The following AATF variants were observed in gnomAD, a reference collection of about 807,000 sequenced individuals.
The protein encoded by AATF is apoptosis antagonizing transcription factor.
In AATF, 48 loss-of-function variants were observed where a neutral mutation model predicts 63.7. That is an observed-to-expected ratio of 0.75 (90% CI 0.60 to 0.96). AATF has a LOEUF of 0.96. AATF is among the 40% of genes least tolerant of loss of function. AATF has a pLI of 0.00. For missense variants in AATF, 639 were observed against 685.7 expected, an observed-to-expected ratio of 0.93 and a Z score of 0.76; for synonymous variants, 258 against 247.7, an observed-to-expected ratio of 1.04 and a Z score of -0.39.
intron 8 of AATF, among the ~76,000 whole-genome samples, chr17:37,005,955 C>A (rs959980146): frequency 6.6e-6 from 1 of 151,766 alleles, no homozygotes; most frequent in Non-Finnish European, 1.5e-5. Context: ...TAGTGAGACC[C>A]TATCTCTATA....
chr17:37,025,178 A>C (rs2071501696), intron 10 of AATF, among the ~76,000 whole-genome samples: 1 of 152,136 alleles, frequency 6.6e-6, no homozygotes, highest in African/African-American at 2.4e-5. Flanking sequence ...GTAATCATTG[A>C]TATGTATAAG....
intron 11 of AATF, among the ~76,000 whole-genome samples, chr17:37,054,189 C>T (rs1255070019): frequency 2.5e-5 from 3 of 120,656 alleles, no homozygotes; most frequent in Non-Finnish European, 5.2e-5. Flanking sequence ...TGGTGGGGGG[C>T]GTGTGGGGCG....
chr17:36,957,742 G>A (rs919809811), intron 4 of AATF, among the ~76,000 whole-genome samples: 5 of 151,950 alleles, frequency 3.3e-5, no homozygotes, highest in African/African-American at 4.8e-5. Flanking sequence ...ATTTCATTCC[G>A]TTTAGAATCC....
chr17:36,968,087 T>A (rs892209473), intron 4 of AATF, among the ~76,000 whole-genome samples: 1 of 151,624 alleles, frequency 6.6e-6, no homozygotes, highest in African/African-American at 2.4e-5. Flanking sequence ...CTCTGTCCTC[T>A]CTCTTTCTGG....
intron 8 of AATF, among the ~76,000 whole-genome samples, chr17:36,993,494 G>A (rs1462016854): frequency 6.6e-6 from 1 of 152,184 alleles, no homozygotes; most frequent in Admixed American, 6.5e-5. Context: ...TCAGTGATAA[G>A]GCTAAAGAAA....
intron 8 of AATF, among the ~76,000 whole-genome samples, chr17:37,012,929 G>A (rs1051080488): frequency 2.8e-4 from 42 of 152,168 alleles, no homozygotes; most frequent in African/African-American, 9.4e-4. Context: ...AGAGCTTCAT[G>A]ACCTTGGGTT....
intron 4 of AATF, among the ~76,000 whole-genome samples, chr17:36,955,320 A>G (rs1044938730): frequency 1.1e-4 from 16 of 152,170 alleles, no homozygotes; most frequent in African/African-American, 3.4e-4. Flanking sequence ...ATGGCTTCCT[A>G]GAGTCCAGTT....
At chr17:37,001,770 A>T (rs957933838) in intron 8 of AATF, among the ~76,000 whole-genome samples, 3 of 152,248 alleles carry the variant, frequency 2.0e-5, no homozygotes, top group Admixed American at 2.0e-4. Context: ...TAGGAACAAG[A>T]CAAGGATGTC....
At chr17:36,965,488 A>G (rs2070984334) in intron 4 of AATF, among the ~76,000 whole-genome samples, 1 of 152,142 alleles carries the variant, frequency 6.6e-6, no homozygotes, top group Non-Finnish European at 1.5e-5. Context: ...AGTCCTTTTG[A>G]CTTTTTAATA....
At chr17:36,949,271 G>T in intron 1 of AATF, 55 bp downstream of exon 1, 1 of 1,503,786 alleles carries the variant, frequency 6.6e-7, no homozygotes, top group Non-Finnish European at 8.9e-7. Flanking sequence ...GCCCTGTGGG[G>T]CAAGGGGGCG....
chr17:37,046,730 AACACACAC>A (rs58296683), intron 11 of AATF, among the ~76,000 whole-genome samples: 2,366 of 140,040 alleles, frequency 0.017, 95 homozygotes, highest in African/African-American at 0.059. Flanking sequence ...GTGCTCCCCC[AACACACAC>A]ACACACACAC....
intron 11 of AATF, chr17:37,052,439 G>C (rs200830933): frequency 1.3e-5 from 2 of 152,136 alleles, no homozygotes; most frequent in East Asian, 3.9e-4. Flanking sequence ...TCTTGGGATG[G>C]GGTAAGGGCT....
intron 9 of AATF, among the ~76,000 whole-genome samples, chr17:37,019,491 C>T (rs2071453325): frequency 6.6e-6 from 1 of 152,148 alleles, no homozygotes; most frequent in African/African-American, 2.4e-5. Context: ...ATTTAGACCT[C>T]CACCTCTTCA....
rs116005978 is a variant in AATF, at chr17:37,056,649, A to G, written c.1668A>G (p.Glu556=). 5.6e-6 allele frequency: 9 copies of G among 1,614,220 alleles called. No homozygotes were observed. In the East Asian group the frequency reaches 1.8e-4, roughly 32 times the overall value. The change falls in exon 12 of 12, where the codon GAA becomes GAG. Residue 556 remains glutamate, a synonymous_variant. Transcript: ENST00000619387. ...SLFGQLHPPD[E]GHGD Reference sequence around the variant, plus strand: ...TTGGCCAGCTCCACCCTCCCGACGAAGGCCACGGGGATTGACATCGCCCAC... The same window carrying G: ...TTGGCCAGCTCCACCCTCCCGACGAGGGCCACGGGGATTGACATCGCCCAC...
intron 10 of AATF, among the ~76,000 whole-genome samples, chr17:37,025,643 T>A (rs1269979973): frequency 6.6e-6 from 1 of 152,222 alleles, no homozygotes; most frequent in East Asian, 1.9e-4. Context: ...TGCCTTTGGT[T>A]ACTGAAGAGT....
intron 4 of AATF, among the ~76,000 whole-genome samples, chr17:36,983,325 G>T (rs2071141918): frequency 6.6e-6 from 1 of 152,076 alleles, no homozygotes; most frequent in Admixed American, 6.6e-5. Flanking sequence ...TTACAGGTGT[G>T]AGCCACCACA....
At chr17:36,952,428 C>T (rs1394441910) in intron 2 of AATF, among the ~76,000 whole-genome samples, 8 of 152,178 alleles carry the variant, frequency 5.3e-5, no homozygotes, top group South Asian at 2.1e-4. Context: ...ATAGGGCAGA[C>T]GGATGTGATA....
intron 11 of AATF, among the ~76,000 whole-genome samples, chr17:37,049,562 G>A (rs759583321): frequency 4.7e-5 from 7 of 148,004 alleles, no homozygotes; most frequent in Non-Finnish European, 8.9e-5. Flanking sequence ...CCGAGATGGC[G>A]CCACTGCACT....
intron 11 of AATF, among the ~76,000 whole-genome samples, chr17:37,051,595 T>TG (rs1339213694): frequency 6.6e-6 from 1 of 151,896 alleles, no homozygotes; most frequent in Non-Finnish European, 1.5e-5. Flanking sequence ...GCCACTCAAG[T>TG]GATTGCAGTT....
Sources: allele counts gnomAD v4.1 joint callset (sites outside exome capture counted in the v4.1 genomes callset), GRCh38; gene constraint gnomAD v4.1.1; transcripts MANE v1.5; gene names NCBI Gene and HGNC (gene_info 2026-07-23, HGNC 2026-07-21).